Variants in CDH11 observed in about 807,000 individuals in gnomAD.
CDH11 encodes cadherin-11.
A neutral mutation model predicts 67.8 loss-of-function variants in CDH11; 11 were observed. The observed-to-expected ratio is 0.16, with a 90% CI of 0.10 to 0.27. CDH11 has a LOEUF of 0.27. Among genes scored for constraint, CDH11 ranks in the 10% least tolerant of loss-of-function variants. The pLI, the probability that CDH11 is intolerant of heterozygous loss-of-function variation, is 1.00. For missense variants in CDH11, 847 were observed against 1,031.2 expected (o/e 0.82, Z 2.45); for synonymous variants, 419 against 400.0 (o/e 1.05, Z -0.57).
intron 2 of CDH11, among the ~76,000 whole-genome samples, chr16:65,039,364 T>C (rs2073819018): frequency 6.6e-6 from 1 of 152,070 alleles, no homozygotes; most frequent in African/African-American, 2.4e-5. Context: ...AAAACAGAGA[T>C]ATAGACCAAT....
chr16:64,946,611 GA>G lies in CDH11; in HGVS notation c.*991del. ...TACATGATGTTACAGAATCTTGTCTGAAAAAACATTTGTAAAACATATTTGA... is the reference window on the plus strand; with the variant it reads ...TACATGATGTTACAGAATCTTGTCTGAAAAACATTTGTAAAACATATTTGA... On this transcript the variant is annotated 3_prime_UTR_variant, in exon 13 of 13. Coordinates refer to ENST00000268603, the MANE Select transcript of CDH11 (RefSeq NM_001797.4). 4 of 1,029,826 alleles carry G rather than the reference GA, an allele frequency of 3.9e-6. No homozygotes were observed. The highest frequency in any genetic ancestry group is 4.7e-6 in the Non-Finnish European group (4 of 856,316). The allele number at this position is 1,029,826 out of a possible 1,614,324, so 63.8% of individuals were successfully genotyped here.
At chr16:65,117,617 A>G (rs938167861) in intron 1 of CDH11, among the ~76,000 whole-genome samples, 16 of 152,236 alleles carry the variant, frequency 1.1e-4, no homozygotes, top group African/African-American at 3.9e-4. Flanking sequence ...TAAAACATTT[A>G]CTGCTATATT....
intron 11 of CDH11, among the ~76,000 whole-genome samples, chr16:64,963,766 T>C (rs918782335): frequency 6.6e-6 from 1 of 152,108 alleles, no homozygotes; most frequent in Non-Finnish European, 1.5e-5. Flanking sequence ...ATCCACCTTC[T>C]CAGAAATCAT....
intron 2 of CDH11, among the ~76,000 whole-genome samples, chr16:65,025,139 C>G (rs573023231): frequency 6.6e-6 from 1 of 152,142 alleles, no homozygotes; most frequent in Non-Finnish European, 1.5e-5. Flanking sequence ...ACTCACTTCC[C>G]CTCTCTGAGT....
At chr16:65,115,215 G>T (rs7189623) in intron 1 of CDH11, among the ~76,000 whole-genome samples, 18,801 of 152,090 alleles carry the variant, frequency 0.12, 1,278 homozygotes, top group East Asian at 0.21. Context: ...TAGGAAGGAG[G>T]CAGGCAGTGT....
chr16:65,089,249 C>T (rs545690410), intron 1 of CDH11, among the ~76,000 whole-genome samples: 5 of 152,218 alleles, frequency 3.3e-5, no homozygotes, highest in Admixed American at 1.3e-4. Flanking sequence ...TTCCTAGTCA[C>T]GAACTACATT....
At chr16:65,054,073 T>C (rs2074102288) in intron 1 of CDH11, 145 bp from the exon 2 acceptor site, 1 of 354,168 alleles carries the variant, frequency 2.8e-6, no homozygotes, top group African/African-American at 2.1e-5. Flanking sequence ...AACAAATTAC[T>C]AAAATTACGT....
rs781578548 is a variant in CDH11, at chr16:64,947,855, G to A, written c.2139C>T (p.Asn713=). 1.2e-6 allele frequency: 2 copies of A among 1,614,044 alleles called. No individual in the cohort carries two copies. The highest frequency in any genetic ancestry group is 4.5e-5 in the East Asian group (2 of 44,874). The change falls in exon 13 of 13, where the codon AAC becomes AAT. Residue 713 remains asparagine (N), a synonymous_variant. Transcript: ENST00000268603. ...MPRPGLRPAP[N]SVDVDDFINT... is the part of the protein sequence containing the mutation. ...TGATGAAGTCATCGACATCCACGCTGTTGGGCGCTGGCCGGAGCCCAGGTC... is the reference window on the plus strand; with the variant it reads ...TGATGAAGTCATCGACATCCACGCTATTGGGCGCTGGCCGGAGCCCAGGTC...
At chr16:65,089,768 T>G in intron 1 of CDH11, among the ~76,000 whole-genome samples, 1 of 152,300 alleles carries the variant, frequency 6.6e-6, no homozygotes, top group Middle Eastern at 3.4e-3. Flanking sequence ...ATATAATTAA[T>G]TCTGAATAAA....
rs138578450 is a variant in CDH11, at chr16:65,070,075, C to G, written c.-297-16147G>C. 4.3e-3 allele frequency among the ~76,000 whole-genome samples: 648 copies of G among 152,272 alleles called. 5 individuals carry two copies. The highest frequency in any genetic ancestry group is 7.0e-3 in the Non-Finnish European group (476 of 68,024). ...TAGATCAGAGCTGCTGAGTATAAGTCCAGACCCTGCCACTGTACGATTGTG... is the reference window on the plus strand; with the variant it reads ...TAGATCAGAGCTGCTGAGTATAAGTGCAGACCCTGCCACTGTACGATTGTG... On this transcript the variant is annotated intron_variant, in intron 1 of 12. Transcript: ENST00000268603.
chr16:65,070,873 A>C (rs999925534), intron 1 of CDH11, among the ~76,000 whole-genome samples: 1 of 152,190 alleles, frequency 6.6e-6, no homozygotes, highest in African/African-American at 2.4e-5. Flanking sequence ...TCAAAATGCA[A>C]GGCAAAATGG....
In CDH11 at chr16:65,050,974, C is replaced by A. The variant is rs910408975; in HGVS notation, c.-173+2830G>T. On this transcript the variant is annotated intron_variant, in intron 2 of 12. Coordinates refer to ENST00000268603, the MANE Select transcript of CDH11 (RefSeq NM_001797.4). ...TCAAAGGGCCGATGAAATGAAGAGC[C>A]CCATTTGGCTCAGCAGAAATGAGAT... 2.0e-4 allele frequency among the ~76,000 whole-genome samples: 31 copies of A among 152,172 alleles called. 3 individuals are homozygous for A. Among genetic ancestry groups the A allele is most frequent in the Admixed American group, 1.5e-3 (23 of 15,268 alleles).
chr16:64,970,070 CAG>C (rs769371246), intron 11 of CDH11, among the ~76,000 whole-genome samples: 69 of 152,172 alleles, frequency 4.5e-4, no homozygotes, highest in Middle Eastern at 3.4e-3. Flanking sequence ...CAAATTGAAA[CAG>C]GGGTTGTTTC....
intron 9 of CDH11, 45 bp from the exon 10 acceptor site, chr16:64,972,109 T>C: frequency 6.3e-7 from 1 of 1,577,372 alleles, no homozygotes; most frequent in Non-Finnish European, 8.7e-7. Context: ...CAAGGAGAAA[T>C]ACACATTGGT....
intron 7 of CDH11, chr16:64,983,205 C>A: frequency 6.7e-6 from 1 of 148,176 alleles, no homozygotes; most frequent in African/African-American, 2.5e-5. Context: ...CAAATGAAAG[C>A]AGTAAAATTT....
upstream of CDH11, among the ~76,000 whole-genome samples, chr16:65,123,052 TC>T (rs1274645608): frequency 6.6e-6 from 1 of 152,108 alleles, no homozygotes; most frequent in Non-Finnish European, 1.5e-5. Flanking sequence ...CCGTGAGGGT[TC>T]CCCGGGCCTG....
chr16:64,998,542 G>C lies in CDH11; in HGVS notation c.523+20C>G, dbSNP rs759355960. On this transcript the variant is annotated intron_variant, in intron 4 of 12. Transcript: ENST00000268603. Reference sequence around the variant, plus strand: ...GACACCAGGCCTGGAAGCAGAGCAGGCCTCCCACACCGTACGCACCCACAT... The same window carrying C: ...GACACCAGGCCTGGAAGCAGAGCAGCCCTCCCACACCGTACGCACCCACAT... 6.2e-7 allele frequency: 1 copy of C among 1,606,962 alleles called. No homozygotes were observed. The highest frequency in any genetic ancestry group is 8.5e-7 in the Non-Finnish European group (1 of 1,174,286).
At chr16:65,104,892 CTTGGTAGTA>C (rs2075043743) in intron 1 of CDH11, among the ~76,000 whole-genome samples, 1 of 152,142 alleles carries the variant, frequency 6.6e-6, no homozygotes, top group East Asian at 1.9e-4. Context: ...ATTCTGTTGT[CTTGGTAGTA>C]TTCTCAATTT....
chr16:64,997,602 G>T (rs1168300166), intron 4 of CDH11, among the ~76,000 whole-genome samples: 1 of 152,102 alleles, frequency 6.6e-6, no homozygotes, highest in African/African-American at 2.4e-5. Context: ...ACACCAAGAG[G>T]CTGAAGGACT....
Sources: allele counts gnomAD v4.1 joint callset (sites outside exome capture counted in the v4.1 genomes callset), GRCh38; gene constraint gnomAD v4.1.1; transcripts MANE v1.5; gene names NCBI Gene and HGNC (gene_info 2026-07-23, HGNC 2026-07-21).